Variants in ZSWIM5 observed in about 807,000 individuals in gnomAD.
ZSWIM5 encodes zinc finger SWIM domain-containing protein 5.
A neutral mutation model predicts 119.6 loss-of-function variants in ZSWIM5; 55 were observed. The observed-to-expected ratio is 0.46, with a 90% CI of 0.37 to 0.58. The LOEUF is 0.58. ZSWIM5 is among the 20% of genes least tolerant of loss of function. The pLI is 0.00. For synonymous variants in ZSWIM5, 537 were observed against 606.9 expected, an observed-to-expected ratio of 0.88 and a Z score of 1.69; for missense variants, 1,193 against 1,512.8, an observed-to-expected ratio of 0.79 and a Z score of 3.51.
intron 1 of ZSWIM5, among the ~76,000 whole-genome samples, chr1:45,194,804 G>T (rs1163697218): frequency 6.6e-6 from 1 of 151,860 alleles, no homozygotes; most frequent in Non-Finnish European, 1.5e-5. Flanking sequence ...GTGAACCCAG[G>T]AGGCGGAGCT....
chr1:45,189,715 C>T (rs556897322), intron 1 of ZSWIM5, among the ~76,000 whole-genome samples: 8 of 152,152 alleles, frequency 5.3e-5, no homozygotes, highest in African/African-American at 4.8e-5. Flanking sequence ...ATGATCTTGT[C>T]GCTGCATTCC....
intron 8 of ZSWIM5, among the ~76,000 whole-genome samples, chr1:45,036,592 T>G (rs1390577534): frequency 6.6e-6 from 1 of 151,958 alleles, no homozygotes; most frequent in Non-Finnish European, 1.5e-5. Context: ...TGACCTCAGG[T>G]GATCTGCCTA....
intron 2 of ZSWIM5, among the ~76,000 whole-genome samples, chr1:45,069,393 T>C (rs188088145): frequency 6.7e-6 from 1 of 150,188 alleles, no homozygotes; most frequent in East Asian, 2.0e-4. Flanking sequence ...GCCACTGCAC[T>C]CCAGCCTGGA....
intron 1 of ZSWIM5, among the ~76,000 whole-genome samples, chr1:45,105,104 G>A (rs1260140210): frequency 3.3e-5 from 5 of 152,106 alleles, no homozygotes; most frequent in African/African-American, 9.7e-5. Flanking sequence ...GGCACGCGCC[G>A]CCACTCCTGA....
intron 1 of ZSWIM5, among the ~76,000 whole-genome samples, chr1:45,093,428 A>C (rs1645379335): frequency 6.6e-6 from 1 of 152,240 alleles, no homozygotes; most frequent in Admixed American, 6.5e-5. Context: ...TATTTTTCAA[A>C]GCTAATTATA....
chr1:45,135,512 G>T (rs1645683768), intron 1 of ZSWIM5, among the ~76,000 whole-genome samples: 1 of 152,128 alleles, frequency 6.6e-6, no homozygotes, highest in African/African-American at 2.4e-5. Context: ...TCAAATCTTA[G>T]ACTTCGTTAT....
intron 2 of ZSWIM5, among the ~76,000 whole-genome samples, chr1:45,077,586 T>C (rs1189156199): frequency 6.6e-6 from 1 of 152,188 alleles, no homozygotes; most frequent in Non-Finnish European, 1.5e-5. Flanking sequence ...TTGGGCACCA[T>C]TGTCATTGAT....
At chr1:45,101,489 C>T (rs1199806120) in intron 1 of ZSWIM5, among the ~76,000 whole-genome samples, 1 of 152,132 alleles carries the variant, frequency 6.6e-6, no homozygotes, top group Non-Finnish European at 1.5e-5. Flanking sequence ...GTGGCGATTC[C>T]TCAAGGATGT....
chr1:45,150,363 A>C (rs1350973176), intron 1 of ZSWIM5, among the ~76,000 whole-genome samples: 1 of 152,140 alleles, frequency 6.6e-6, no homozygotes, highest in Non-Finnish European at 1.5e-5. Context: ...GAGCATCAGG[A>C]GAAACAGGAA....
intron 2 of ZSWIM5, among the ~76,000 whole-genome samples, chr1:45,067,451 A>AAAAAG (rs1553191166): frequency 1.5e-5 from 2 of 136,682 alleles, no homozygotes; most frequent in African/African-American, 5.5e-5. Context: ...AAAAAAAAAA[A>AAAAAG]AAAGAAAGAA....
intron 11 of ZSWIM5, among the ~76,000 whole-genome samples, chr1:45,022,021 C>CAA (rs111486389): frequency 0.012 from 1,669 of 138,766 alleles, 24 homozygotes; most frequent in South Asian, 0.041. Context: ...GACTCCGTCT[C>CAA]AAAAAAAAAA....
chr1:45,155,189 G>GA (rs777773892), intron 1 of ZSWIM5, among the ~76,000 whole-genome samples: 17 of 150,332 alleles, frequency 1.1e-4, no homozygotes, highest in African/African-American at 2.9e-4. Context: ...AAATTAGCAA[G>GA]AAAAAAAAAT....
chr1:45,149,917 C>T (rs956933479), intron 1 of ZSWIM5, among the ~76,000 whole-genome samples: 2 of 152,032 alleles, frequency 1.3e-5, no homozygotes, highest in African/African-American at 2.4e-5. Flanking sequence ...ACACCTATAA[C>T]TCCAGCTTTG....
At chr1:45,082,053 T>A (rs974895402) in intron 2 of ZSWIM5, among the ~76,000 whole-genome samples, 1 of 152,188 alleles carries the variant, frequency 6.6e-6, no homozygotes, top group South Asian at 2.1e-4. Context: ...CTCTGAAACA[T>A]GTGCTGTGTC....
intron 1 of ZSWIM5, among the ~76,000 whole-genome samples, chr1:45,191,309 A>G (rs1430474822): frequency 6.6e-6 from 1 of 152,130 alleles, no homozygotes; most frequent in African/African-American, 2.4e-5. Flanking sequence ...ACCTCAGATG[A>G]AGCAGATCTC....
rs759921143 is a variant in ZSWIM5, at chr1:45,036,296, A to G, written c.1898T>C (p.Met633Thr). ...GTACACAGGGGGTCTGCTTTCATTCATATCTGAGGGCAACAGGGCACCAAA... is the reference window on the plus strand; with the variant it reads ...GTACACAGGGGGTCTGCTTTCATTCGTATCTGAGGGCAACAGGGCACCAAA... The part of the protein sequence containing the change: ...NDDGYLEMSD[M>T]NESRPPVYQH... Residue 633 changes from methionine (M) to threonine (T), a missense_variant, in exon 9 of 14, where the codon ATG (methionine) becomes ACG (threonine). Met to Thr is a moderately conservative substitution (Grantham distance 81). Coordinates refer to ENST00000359600, the MANE Select transcript of ZSWIM5 (RefSeq NM_020883.2). 1.2e-6 allele frequency: 2 copies of G among 1,610,300 alleles called. No individual in the cohort carries two copies. The highest frequency in any genetic ancestry group is 2.2e-5 in the South Asian group (2 of 90,876).
intron 2 of ZSWIM5, among the ~76,000 whole-genome samples, chr1:45,078,321 G>A (rs112473386): frequency 6.8e-4 from 104 of 152,290 alleles, no homozygotes; most frequent in Middle Eastern, 6.8e-3. Context: ...TCCTTCTTGG[G>A]AAGGCTTTCC....
chr1:45,123,886 G>A (rs555445174), intron 1 of ZSWIM5, among the ~76,000 whole-genome samples: 1 of 152,192 alleles, frequency 6.6e-6, no homozygotes. Context: ...AGCAGCAAGA[G>A]AAATAACACC....
Position 45,073,229 on chromosome 1 carries a change from G to C in ZSWIM5, c.953-12982C>G, listed in dbSNP as rs180717725. The stretch of plus-strand genomic sequence containing the variant: ...TTATTTTTTAGATTGTTCACTGTTC[G>C]CATATACAATTGCTACTGAATTTTT... On this transcript the variant is annotated intron_variant, in intron 2 of 13. Coordinates refer to ENST00000359600, the MANE Select transcript of ZSWIM5 (RefSeq NM_020883.2). Among the ~76,000 whole-genome samples the C allele has an allele frequency of 5.3e-3, 732 of 139,210 alleles. 6 individuals are homozygous for C. The highest frequency in any genetic ancestry group is 0.025 in the Middle Eastern group (6 of 244). The allele number at this position is 139,210 out of a possible 152,430, so 91.3% of individuals were successfully genotyped here. A position where few individuals can be genotyped will look rare whatever the true frequency, so the allele number is the denominator to read the frequency against.
Sources: allele counts gnomAD v4.1 joint callset (sites outside exome capture counted in the v4.1 genomes callset), GRCh38; gene constraint gnomAD v4.1.1; transcripts MANE v1.5; gene names NCBI Gene and HGNC (gene_info 2026-07-23, HGNC 2026-07-21).